Variants in CNTN5 observed in about 807,000 individuals in gnomAD.
CNTN5 encodes contactin-5.
CNTN5 carries 77 observed loss-of-function variants against 129.1 expected under a neutral mutation model. The observed-to-expected ratio is 0.60, with a 90% CI of 0.50 to 0.72. The LOEUF (loss-of-function observed/expected upper bound fraction) is 0.72, where lower values mean the gene tolerates loss of function less well. Ranked by LOEUF, CNTN5 falls within the 30% of genes least tolerant of loss-of-function variation. CNTN5 has a pLI of 0.00. For missense variants in CNTN5, 1,478 were observed against 1,328.8 expected (o/e 1.11, Z -1.75); for synonymous variants, 509 against 465.6 (o/e 1.09, Z -1.20).
intron 6 of CNTN5, among the ~76,000 whole-genome samples, chr11:99,908,515 G>GA (rs1034442075): frequency 3.3e-5 from 5 of 151,658 alleles, no homozygotes; most frequent in African/African-American, 7.3e-5. Context: ...TCTGAATTTG[G>GA]AAAAAAATGA....
intron 13 of CNTN5, among the ~76,000 whole-genome samples, chr11:100,161,928 G>A (rs1395555012): frequency 1.3e-5 from 2 of 150,950 alleles, no homozygotes; most frequent in African/African-American, 4.9e-5. Context: ...TCTTGGAACT[G>A]CTCAAATTCC....
At chr11:99,177,210 A>G (rs910316115) in intron 1 of CNTN5, among the ~76,000 whole-genome samples, 1 of 152,082 alleles carries the variant, frequency 6.6e-6, no homozygotes, top group Non-Finnish European at 1.5e-5. Flanking sequence ...TATCTTCACT[A>G]CTCAATACTT....
At chr11:99,996,505 T>C (rs7951262) in intron 8 of CNTN5, among the ~76,000 whole-genome samples, 57,220 of 151,820 alleles carry the variant, frequency 0.38, 12,241 homozygotes, top group African/African-American at 0.59. Context: ...GTCAGAAAAA[T>C]TGATATTCCT....
rs765423415 is a variant in CNTN5 at position 100,150,061 on chromosome 11, G to GA, written c.1581-41061dup. 1.3e-3 allele frequency among the ~76,000 whole-genome samples: 193 copies of GA among 152,100 alleles called. 1 individual carries two copies. The highest frequency in any genetic ancestry group is 1.3e-3 in the Non-Finnish European group (90 of 68,024). On this transcript the variant is annotated intron_variant, in intron 13 of 24. Coordinates refer to ENST00000524871, the MANE Select transcript of CNTN5 (RefSeq NM_014361.4). ...TGGTGTGGAGAGAAAACAGTATTATGAAAATATTTAGTCTCAAACATTTAT... is the reference window on the plus strand; with the variant it reads ...TGGTGTGGAGAGAAAACAGTATTATGAAAAATATTTAGTCTCAAACATTTAT...
chr11:99,478,436 A>G (rs1359536460), intron 2 of CNTN5, among the ~76,000 whole-genome samples: 1 of 152,170 alleles, frequency 6.6e-6, no homozygotes, highest in East Asian at 1.9e-4. Context: ...CTTTTAACCA[A>G]TTCACAGAAG....
At chr11:99,723,777 C>A (rs555716868) in intron 3 of CNTN5, among the ~76,000 whole-genome samples, 1 of 143,148 alleles carries the variant, frequency 7.0e-6, no homozygotes, top group South Asian at 2.3e-4. Context: ...TGTGTGCATG[C>A]GTGTGCATGC....
chr11:100,026,156 T>A (rs1584818), intron 9 of CNTN5, among the ~76,000 whole-genome samples: 37,436 of 152,014 alleles, frequency 0.25, 5,351 homozygotes, highest in East Asian at 0.45. Flanking sequence ...ATTTCCTTCA[T>A]GCCGTTCTCA....
At chr11:99,996,378 T>C (rs547969052) in intron 8 of CNTN5, among the ~76,000 whole-genome samples, 2 of 152,296 alleles carry the variant, frequency 1.3e-5, no homozygotes, top group South Asian at 4.1e-4. Context: ...CAGATTAAAG[T>C]CTAAATGTTT....
At chr11:99,595,148 C>T (rs2135680263) in intron 3 of CNTN5, among the ~76,000 whole-genome samples, 1 of 152,160 alleles carries the variant, frequency 6.6e-6, no homozygotes, top group African/African-American at 2.4e-5. Flanking sequence ...TTCTGTTACA[C>T]ACTAGGGTGA....
intron 21 of CNTN5, among the ~76,000 whole-genome samples, chr11:100,316,317 C>A (rs545302012): frequency 1.3e-5 from 2 of 152,200 alleles, no homozygotes; most frequent in Non-Finnish European, 2.9e-5. Context: ...CAGTATCGGG[C>A]ACTATGCTGG....
chr11:99,148,711 A>G (rs1859905468), intron 1 of CNTN5, among the ~76,000 whole-genome samples: 1 of 152,146 alleles, frequency 6.6e-6, no homozygotes, highest in African/African-American at 2.4e-5. Context: ...GATTCAAAGT[A>G]CAGAAGCAGC....
chr11:99,922,469 G>A (rs1171908119), intron 7 of CNTN5, among the ~76,000 whole-genome samples: 1 of 152,152 alleles, frequency 6.6e-6, no homozygotes, highest in Non-Finnish European at 1.5e-5. Flanking sequence ...GCCTTTGTTT[G>A]GGTGGAATGA....
chr11:100,185,263 A>C (rs1414243897), intron 13 of CNTN5, among the ~76,000 whole-genome samples: 1 of 152,088 alleles, frequency 6.6e-6, no homozygotes, highest in Admixed American at 6.5e-5. Context: ...TTACTGGATA[A>C]GTTCTACTCT....
chr11:99,235,133 C>T (rs1310156999), intron 1 of CNTN5, among the ~76,000 whole-genome samples: 2 of 151,634 alleles, frequency 1.3e-5, no homozygotes, highest in Admixed American at 1.3e-4. Flanking sequence ...TAACATTCAC[C>T]TTTGGAAGAT....
intron 21 of CNTN5, among the ~76,000 whole-genome samples, chr11:100,326,929 G>A (rs1320203134): frequency 1.3e-5 from 2 of 152,292 alleles, no homozygotes; most frequent in African/African-American, 2.4e-5. Flanking sequence ...GTGATTGAAC[G>A]TTTGAGGCCC....
intron 3 of CNTN5, among the ~76,000 whole-genome samples, chr11:99,692,927 G>A: frequency 6.6e-6 from 1 of 152,080 alleles, no homozygotes; most frequent in East Asian, 1.9e-4. Flanking sequence ...GGGAGAAAGG[G>A]TTACAGCCAA....
At chr11:99,048,806 C>T (rs1257779833) in intron 1 of CNTN5, among the ~76,000 whole-genome samples, 1 of 152,162 alleles carries the variant, frequency 6.6e-6, no homozygotes, top group Non-Finnish European at 1.5e-5. Flanking sequence ...GCATTTCTTA[C>T]ATCTTAAGCC....
At chr11:99,172,100 G>A (rs1861175244) in intron 1 of CNTN5, among the ~76,000 whole-genome samples, 1 of 152,192 alleles carries the variant, frequency 6.6e-6, no homozygotes, top group African/African-American at 2.4e-5. Context: ...GCAGAAGGCA[G>A]ATATAGTGAG....
At chr11:99,101,710 C>T (rs949926368) in intron 1 of CNTN5, among the ~76,000 whole-genome samples, 2 of 152,232 alleles carry the variant, frequency 1.3e-5, no homozygotes, top group African/African-American at 4.8e-5. Context: ...CCTTGGGCAG[C>T]ACCACTTCTG....
Sources: allele counts gnomAD v4.1 joint callset (sites outside exome capture counted in the v4.1 genomes callset), GRCh38; gene constraint gnomAD v4.1.1; transcripts MANE v1.5; gene names NCBI Gene and HGNC (gene_info 2026-07-23, HGNC 2026-07-21).